GAGE1: variants seen among roughly 807,000 people sequenced by gnomAD.
The protein encoded by GAGE1 is G antigen 4.
In GAGE1, 5 loss-of-function variants were observed where a neutral mutation model predicts 5.0. The observed-to-expected ratio is 1.00, with a 90% CI of 0.52 to 2.11. The LOEUF (loss-of-function observed/expected upper bound fraction) is 2.11. GAGE1 is among the 30% of genes most tolerant of loss of function. GAGE1 has a pLI of 0.01. For missense variants in GAGE1, 9 were observed against 38.9 expected, an observed-to-expected ratio of 0.23 and a Z score of 2.04; for synonymous variants, 6 against 14.8, an observed-to-expected ratio of 0.40 and a Z score of 1.37.
chrX:49,604,821 T>G (rs1309234156), intron 4 of GAGE1, among the ~76,000 whole-genome samples: 1 of 111,871 alleles, frequency 8.9e-6, no homozygotes, highest in African/African-American at 3.3e-5. Context: ...TTTGTTTGTT[T>G]GTTTGCGACG....
intron 4 of GAGE1, among the ~76,000 whole-genome samples, chrX:49,604,442 G>T (rs782358090): frequency 8.9e-6 from 1 of 112,391 alleles, no homozygotes; most frequent in South Asian, 3.7e-4. Flanking sequence ...GCACTCATGC[G>T]GGTTCTAATA....
At chrX:49,605,073 C>T (rs782652132) in intron 4 of GAGE1, 5 of 1,020,247 alleles carry the variant, frequency 4.9e-6, no homozygotes, top group African/African-American at 3.9e-5. Context: ...AATCTTTCCC[C>T]ACGGAAACCT....
chrX:49,602,497 G>A (rs28634058), intron 3 of GAGE1, among the ~76,000 whole-genome samples: 7,328 of 71,808 alleles, frequency 0.1, 937 homozygotes, highest in African/African-American at 0.27. Context: ...CCAATTGTTA[G>A]TAGCTTTCGC....
At position 49,605,005 on chromosome X, in the gene GAGE1, G is replaced by A. The variant is rs112813503; in HGVS notation, c.332-988G>A. The A allele has an allele frequency of 1.5e-3, 1,434 of 980,767 alleles. 11 individuals carry two copies. In the African/African-American group the frequency reaches 0.024, roughly 17 times the overall value. 80.8% of individuals were successfully genotyped at this position (980,767 alleles called of 1,213,427 possible). On this transcript the variant is annotated intron_variant, in intron 4 of 4. Transcript: ENST00000381700. ...TTTTTTTCATTTTTGTAGAGATGAG[G>A]TCTCACTATGTTGCCCAGACTGGGA...
intron 4 of GAGE1, among the ~76,000 whole-genome samples, chrX:49,604,004 C>A (rs1287431325): frequency 8.9e-6 from 1 of 112,737 alleles, no homozygotes; most frequent in Non-Finnish European, 1.9e-5. Context: ...AGGCGTGCTC[C>A]GCCGTGCCCA....
rs993700026 is a variant in GAGE1 at position 49,607,033 on chromosome X, G to A, written c.*1018G>A. On this transcript the variant is annotated 3_prime_UTR_variant, in exon 5 of 5. Transcript: ENST00000381700. ...TGTCACCCATGCTGACTGCAGTAGTGTGATCACAGCTTACTGCAACCTCAA... is the reference window on the plus strand; with the variant it reads ...TGTCACCCATGCTGACTGCAGTAGTATGATCACAGCTTACTGCAACCTCAA... The A allele has an allele frequency of 8.9e-6, 1 of 111,779 alleles. No homozygotes were observed. The highest frequency in any genetic ancestry group is 1.9e-5 in the Non-Finnish European group (1 of 53,224). 9.2% of individuals were successfully genotyped at this position (111,779 alleles called of 1,213,427 possible). A position where few individuals can be genotyped will look rare whatever the true frequency, so the allele number is the denominator to read the frequency against.
intron 4 of GAGE1, among the ~76,000 whole-genome samples, chrX:49,603,999 T>G (rs5906837): frequency 2.7e-5 from 3 of 112,974 alleles, no homozygotes; most frequent in African/African-American, 6.4e-5. Flanking sequence ...GTTACAGGCG[T>G]GCTCCGCCGT....
rs4824770 is a variant in GAGE1, at chrX:49,602,403, C to A, written c.206-1265C>A. 5.0e-4 allele frequency among the ~76,000 whole-genome samples: 38 copies of A among 76,693 alleles called. 5 individuals are homozygous for A. Among genetic ancestry groups the A allele is most frequent in the Admixed American group, 1.6e-3 (12 of 7,355 alleles). The allele number at this position is 76,693 out of a possible 115,157, so 66.6% of individuals were successfully genotyped here. ...TTATCATATATTCTTTTAAATTTTTCCTGTATGTATCTTCAAGTCATAGCA... is the reference window on the plus strand; with the variant it reads ...TTATCATATATTCTTTTAAATTTTTACTGTATGTATCTTCAAGTCATAGCA... On this transcript the variant is annotated intron_variant, in intron 3 of 4. Coordinates refer to ENST00000381700, the MANE Select transcript of GAGE1 (RefSeq NM_001040663.4).
At chrX:49,604,015 GC>G (rs1418428880) in intron 4 of GAGE1, among the ~76,000 whole-genome samples, 2 of 112,828 alleles carry the variant, frequency 1.8e-5, no homozygotes, top group Non-Finnish European at 3.8e-5. Context: ...GCCGTGCCCA[GC>G]TAATTGTTGT....
At chrX:49,605,605 G>T (rs1416308482) in intron 4 of GAGE1, among the ~76,000 whole-genome samples, 1 of 111,705 alleles carries the variant, frequency 9.0e-6, no homozygotes, top group African/African-American at 3.3e-5. Context: ...TATGCCTTTA[G>T]GGCCATCTAA....
chrX:49,605,376 A>T (rs782231589), intron 4 of GAGE1, among the ~76,000 whole-genome samples: 18 of 112,548 alleles, frequency 1.6e-4, no homozygotes, highest in African/African-American at 5.2e-4. Context: ...AATCAACTGA[A>T]GTATATTTCA....
intron 4 of GAGE1, among the ~76,000 whole-genome samples, chrX:49,604,449 A>C (rs1378559351): frequency 8.9e-6 from 1 of 112,521 alleles, no homozygotes; most frequent in African/African-American, 3.2e-5. Flanking sequence ...TGCGGGTTCT[A>C]ATATCAGCTC....
rs1264904832 is a variant in GAGE1 at position 49,608,140 on chromosome X, A to G, written c.*2125A>G. ...CATATACAAAAGTGTTTGACTCAAA[A>G]GGCTTTGTTCTTCCCTTAAAGGAAG... On this transcript the variant is annotated 3_prime_UTR_variant, in exon 5 of 5. Transcript: ENST00000381700. The G allele has an allele frequency of 1.8e-5, 2 of 112,156 alleles. No homozygotes were observed. Among genetic ancestry groups the G allele is most frequent in the African/African-American group, 6.5e-5 (2 of 30,881 alleles). 9.2% of individuals were successfully genotyped at this position (112,156 alleles called of 1,213,427 possible).
Position 49,608,307 on chromosome X carries a change from C to T in GAGE1, c.*2292C>T, listed in dbSNP as rs1346793317. 9.0e-6 allele frequency: 1 copy of T among 111,588 alleles called. No individual in the cohort carries two copies. The highest frequency in any genetic ancestry group is 1.9e-5 in the Non-Finnish European group (1 of 53,194). 9.2% of individuals were successfully genotyped at this position (111,588 alleles called of 1,213,427 possible). ...TGACCCAGCCAGCTGCATGTTTACCCAGCATGCTTGAACCCAAGCTGGAGC... is the reference window on the plus strand; with the variant it reads ...TGACCCAGCCAGCTGCATGTTTACCTAGCATGCTTGAACCCAAGCTGGAGC... On this transcript the variant is annotated 3_prime_UTR_variant, in exon 5 of 5. Transcript: ENST00000381700.
At chrX:49,605,938 T>TAAC (rs2066656152) in intron 4 of GAGE1, 55 bp from the exon 5 acceptor site, 1 of 695,174 alleles carries the variant, frequency 1.4e-6, no homozygotes, top group East Asian at 4.5e-5. Context: ...ATAATAATAA[T>TAAC]AATAATAATA....
intron 4 of GAGE1, chrX:49,605,192 T>A: frequency 4.3e-6 from 4 of 921,465 alleles, no homozygotes; most frequent in Non-Finnish European, 5.7e-6. Flanking sequence ...GTGCTATGCA[T>A]GCTCCCTGCC....
chrX:49,605,613 T>G (rs1241531130), intron 4 of GAGE1, among the ~76,000 whole-genome samples: 32 of 111,932 alleles, frequency 2.9e-4, no homozygotes, highest in African/African-American at 9.7e-4. Flanking sequence ...TAGGGCCATC[T>G]AAATAATCTG....
In GAGE1 at chrX:49,604,997, G is replaced by T. The variant is rs373465046; in HGVS notation, c.332-996G>T. The stretch of plus-strand genomic sequence containing the variant: ...TAAAATTTTTTTTTTCATTTTTGTA[G>T]AGATGAGGTCTCACTATGTTGCCCA... On this transcript the variant is annotated intron_variant, in intron 4 of 4. Transcript: ENST00000381700. 19 of 954,964 alleles carry T rather than the reference G, an allele frequency of 2.0e-5. No individual in the cohort carries two copies. In the East Asian group the frequency reaches 4.4e-4, roughly 22 times the overall value. 78.7% of individuals were successfully genotyped at this position (954,964 alleles called of 1,213,427 possible).
intron 4 of GAGE1, among the ~76,000 whole-genome samples, chrX:49,604,329 C>G (rs1158766520): frequency 8.9e-6 from 1 of 112,445 alleles, no homozygotes; most frequent in Non-Finnish European, 1.9e-5. Flanking sequence ...TATAAATCCT[C>G]AAACCAGTAG....
Sources: allele counts gnomAD v4.1 joint callset (sites outside exome capture counted in the v4.1 genomes callset), GRCh38; gene constraint gnomAD v4.1.1; transcripts MANE v1.5; gene names NCBI Gene and HGNC (gene_info 2026-07-23, HGNC 2026-07-21).